The following TANGO6 variants were observed in gnomAD, a reference collection of about 807,000 sequenced individuals.
TANGO6 encodes the protein transport and golgi organization 6 homolog, also known as transport and Golgi organization protein 6 homolog.
In TANGO6, 90 loss-of-function variants were observed where a neutral mutation model predicts 114.2. The ratio of observed to expected loss-of-function variants is 0.79; its 90% confidence interval spans 0.66 to 0.94. TANGO6 has a LOEUF of 0.94. Among genes scored for constraint, TANGO6 ranks in the 40% least tolerant of loss-of-function variants. The pLI, the probability that TANGO6 is intolerant of heterozygous loss-of-function variation, is 0.00. For synonymous variants in TANGO6, 477 were observed against 509.8 expected, an observed-to-expected ratio of 0.94 and a Z score of 0.87; for missense variants, 1,274 against 1,315.3, an observed-to-expected ratio of 0.97 and a Z score of 0.49.
chr16:69,000,750 C>A (rs1251324538), intron 15 of TANGO6, among the ~76,000 whole-genome samples: 1 of 152,120 alleles, frequency 6.6e-6, no homozygotes, highest in African/African-American at 2.4e-5. Context: ...TGCCACCACA[C>A]CTGGCTACTT....
intron 16 of TANGO6, among the ~76,000 whole-genome samples, chr16:69,023,591 C>A (rs1361210376): frequency 2.0e-5 from 3 of 152,008 alleles, no homozygotes; most frequent in Non-Finnish European, 4.4e-5. Context: ...TTGGAGAAAC[C>A]TTTAGGAAAA....
intron 7 of TANGO6, among the ~76,000 whole-genome samples, chr16:68,882,756 T>C (rs372258890): frequency 9.7e-4 from 148 of 152,088 alleles, no homozygotes; most frequent in South Asian, 1.7e-3. Flanking sequence ...CGATGGCTCA[T>C]GCCTGTAATC....
chr16:68,859,869 TTTC>T lies in TANGO6; in HGVS notation c.95-8_95-6del, dbSNP rs1962061420. Reference sequence around the variant, plus strand: ...TTCTATGTGTATAAACTCTCCTTTTTTTCTTCTTCAAAAGGCTCGGGCTCAAGT... The same window carrying T: ...TTCTATGTGTATAAACTCTCCTTTTTTTCTTCAAAAGGCTCGGGCTCAAGT... On this transcript the variant is annotated splice_polypyrimidine_tract_variant and intron_variant, in intron 1 of 17. Coordinates refer to ENST00000261778, the MANE Select transcript of TANGO6 (RefSeq NM_024562.2). The T allele has an allele frequency of 6.5e-7, 1 of 1,537,934 alleles. No homozygotes were observed. The highest frequency in any genetic ancestry group is 8.7e-7 in the Non-Finnish European group (1 of 1,147,270).
intron 6 of TANGO6, among the ~76,000 whole-genome samples, chr16:68,879,816 C>T (rs1181599154): frequency 6.6e-6 from 1 of 151,760 alleles, no homozygotes; most frequent in Non-Finnish European, 1.5e-5. Flanking sequence ...TGGGGTTTCA[C>T]TGTGTTAGCC....
intron 1 of TANGO6, among the ~76,000 whole-genome samples, chr16:68,855,881 C>T (rs79504880): frequency 1.1e-5 from 1 of 87,714 alleles, no homozygotes; most frequent in East Asian, 3.1e-4. Context: ...GACTCAGTCT[C>T]AAAAAAAAAA....
In TANGO6 at chr16:68,851,522, G is replaced by A. The variant is rs556700395; in HGVS notation, c.94+7811G>A. On this transcript the variant is annotated intron_variant, in intron 1 of 17. Coordinates refer to ENST00000261778, the MANE Select transcript of TANGO6 (RefSeq NM_024562.2). ...ACATGATGGTACGTATAAATCTTCC[G>A]TTTTCTCTTTTATAGCTGCATAGTT... Among the ~76,000 whole-genome samples the A allele has an allele frequency of 4.6e-4, 70 of 152,242 alleles. 1 individual carries two copies. The highest frequency in any genetic ancestry group is 1.5e-3 in the African/African-American group (63 of 41,536).
At position 68,867,109 on chromosome 16, in the gene TANGO6, T is replaced by A; in HGVS notation, c.883T>A (p.Cys295Ser). The change falls in exon 4 of 18, where the codon TGT becomes AGT. Residue 295 changes from cysteine to serine, a missense_variant. By Grantham distance (112) the Cys-to-Ser change is moderately radical. Coordinates refer to ENST00000261778, the MANE Select transcript of TANGO6 (RefSeq NM_024562.2). ...CACAGATGTGAAGACACAGATGAGG[T>A]GTCGGGCCCCAGCTTGGCTTCGGCG... ...SCTDVKTQMR[C>S]RAPAWLRRLC... 1 of 1,613,024 alleles carries A rather than the reference T, an allele frequency of 6.2e-7. No individual in the cohort carries two copies. The highest frequency in any genetic ancestry group is 1.7e-4 in the Middle Eastern group (1 of 6,038).
chr16:69,045,242 C>G (rs981717379), intron 17 of TANGO6, among the ~76,000 whole-genome samples: 1 of 150,504 alleles, frequency 6.6e-6, no homozygotes, highest in African/African-American at 2.4e-5. Context: ...ATCATGAGGT[C>G]AGAAGATAGA....
At chr16:68,896,678 C>T (rs772257110) in intron 7 of TANGO6, among the ~76,000 whole-genome samples, 7 of 152,014 alleles carry the variant, frequency 4.6e-5, no homozygotes, top group African/African-American at 7.3e-5. Flanking sequence ...AGCTCAGTAC[C>T]GAAGAAATTT....
intron 14 of TANGO6, among the ~76,000 whole-genome samples, chr16:68,948,762 T>C (rs1167483532): frequency 6.6e-6 from 1 of 152,250 alleles, no homozygotes; most frequent in African/African-American, 2.4e-5. Flanking sequence ...TTGAAACTCA[T>C]CTTTCACATG....
chr16:68,897,814 G>A (rs1962726289), intron 7 of TANGO6, among the ~76,000 whole-genome samples: 1 of 151,882 alleles, frequency 6.6e-6, no homozygotes, highest in African/African-American at 2.4e-5. Flanking sequence ...CTAACCTCAG[G>A]TGATCCACCC....
intron 14 of TANGO6, among the ~76,000 whole-genome samples, chr16:68,943,499 G>A (rs1963378419): frequency 6.6e-6 from 1 of 151,858 alleles, no homozygotes; most frequent in East Asian, 1.9e-4. Context: ...GAGTAGCTGG[G>A]ACTACAGGTG....
At chr16:69,055,813 G>T (rs1960024159) in intron 17 of TANGO6, among the ~76,000 whole-genome samples, 1 of 152,240 alleles carries the variant, frequency 6.6e-6, no homozygotes, top group Non-Finnish European at 1.5e-5. Flanking sequence ...GAGGCAGGTG[G>T]ATTGCCTGAG....
chr16:69,067,042 G>A (rs1334846698), intron 17 of TANGO6, among the ~76,000 whole-genome samples: 4 of 152,084 alleles, frequency 2.6e-5, no homozygotes, highest in African/African-American at 9.7e-5. Context: ...GACCACAAAT[G>A]CGTGACACCA....
At chr16:68,968,793 C>T (rs1044753230) in intron 14 of TANGO6, among the ~76,000 whole-genome samples, 4 of 151,756 alleles carry the variant, frequency 2.6e-5, no homozygotes, top group African/African-American at 9.7e-5. Context: ...GCCTCAGCCT[C>T]CCGAGTAGCT....
chr16:68,928,161 C>T, intron 13 of TANGO6, 78 bp downstream of exon 13: 2 of 1,448,168 alleles, frequency 1.4e-6, no homozygotes, highest in Non-Finnish European at 1.8e-6. Flanking sequence ...GGAGCCTGGA[C>T]TATGTGTCAA....
At chr16:69,013,478 G>A (rs555128006) in intron 15 of TANGO6, among the ~76,000 whole-genome samples, 27 of 151,970 alleles carry the variant, frequency 1.8e-4, no homozygotes, top group Admixed American at 6.6e-4. Context: ...TCAGCTGGGC[G>A]TGGTGGCATG....
intron 15 of TANGO6, among the ~76,000 whole-genome samples, chr16:68,982,629 C>CATTTTTTTTTTTTTTTTTTTTTTTTTT (rs1567553024): frequency 1.9e-4 from 23 of 120,526 alleles, no homozygotes; most frequent in African/African-American, 8.5e-4. Context: ...CATGCCCTGG[C>CATTTTTTTTTTTTTTTTTTTTTTTTTT]CTTTTTTTTT....
rs1392949186 is a variant in TANGO6, at chr16:69,083,678, G to T, written c.*17G>T. 3.0e-5 allele frequency: 47 copies of T among 1,550,032 alleles called. No individual in the cohort carries two copies. The highest frequency in any genetic ancestry group is 3.8e-5 in the Non-Finnish European group (44 of 1,145,888). On this transcript the variant is annotated 3_prime_UTR_variant, in exon 18 of 18. Transcript: ENST00000261778. ...CTGCCGTAGACCTGGCTCCAAGGACGTGGAGGAGGCAGGCAGGGCCAGGCA... is the reference window on the plus strand; with the variant it reads ...CTGCCGTAGACCTGGCTCCAAGGACTTGGAGGAGGCAGGCAGGGCCAGGCA...
Sources: allele counts gnomAD v4.1 joint callset (sites outside exome capture counted in the v4.1 genomes callset), GRCh38; gene constraint gnomAD v4.1.1; transcripts MANE v1.5; gene names NCBI Gene and HGNC (gene_info 2026-07-23, HGNC 2026-07-21).